The following USP36 variants were observed in gnomAD, a reference collection of about 807,000 sequenced individuals.
USP36 encodes the protein ubiquitin carboxyl-terminal hydrolase 36.
USP36 carries 59 observed loss-of-function variants against 111.5 expected under a neutral mutation model. The ratio of observed to expected loss-of-function variants is 0.53; its 90% CI spans 0.43 to 0.66. The LOEUF (loss-of-function observed/expected upper bound fraction) is 0.66, where lower values mean the gene tolerates loss of function less well. Ranked by LOEUF, USP36 falls within the 30% of genes least tolerant of loss-of-function variation. The pLI is 0.00. For synonymous variants in USP36, 628 were observed against 581.0 expected, an observed-to-expected ratio of 1.08 and a Z score of -1.16; for missense variants, 1,488 against 1,468.0, an observed-to-expected ratio of 1.01 and a Z score of -0.22.
At chr17:78,821,882 C>T (rs1261879516) in intron 7 of USP36, 55 bp downstream of exon 7, 2 of 1,603,150 alleles carry the variant, frequency 1.2e-6, no homozygotes, top group African/African-American at 2.7e-5. Context: ...TTAGGGTTTC[C>T]TGGGTTCATG....
chr17:78,840,040 G>A (rs1218024952), intron 1 of USP36, among the ~76,000 whole-genome samples: 1 of 152,352 alleles, frequency 6.6e-6, no homozygotes, highest in East Asian at 1.9e-4. Flanking sequence ...GCGGCCTCCC[G>A]GGGCCCAGCG....
chr17:78,805,957 C>T (rs564592233), intron 15 of USP36, among the ~76,000 whole-genome samples, 199 bp downstream of exon 15: 1 of 152,334 alleles, frequency 6.6e-6, no homozygotes, highest in African/African-American at 2.4e-5. Flanking sequence ...GAACTGCCTT[C>T]ACCACCCAAA....
intron 4 of USP36, among the ~76,000 whole-genome samples, chr17:78,830,549 G>A (rs901265982): frequency 1.3e-5 from 2 of 152,210 alleles, no homozygotes; most frequent in African/African-American, 4.8e-5. Flanking sequence ...CAAAGGGCAA[G>A]CACGCCTTCA....
rs778272808 is a variant in USP36 at position 78,813,865 on chromosome 17, A to G, written c.1173T>C (p.Asn391=). The change falls in exon 12 of 21, where the codon AAT becomes AAC. Residue 391 remains asparagine, a synonymous_variant. Coordinates refer to ENST00000449938, the MANE Select transcript of USP36 (RefSeq NM_001385174.1). ...AATCATTCATCTGGTACCACTGTCCATTGCTTGCCTGAAGCAGCCAAGGAT... is the reference window on the plus strand; with the variant it reads ...AATCATTCATCTGGTACCACTGTCCGTTGCTTGCCTGAAGCAGCCAAGGAT... ...GHYYCYVKAS[N]GQWYQMNDSL... is the part of the protein sequence containing the mutation. The G allele has an allele frequency of 4.9e-5, 79 of 1,614,120 alleles. No homozygotes were observed. The East Asian group carries it at 1.7e-3, about 35-fold the overall frequency.
chr17:78,836,819 A>AC (rs1555643194), intron 2 of USP36, among the ~76,000 whole-genome samples: 2 of 143,120 alleles, frequency 1.4e-5, no homozygotes, highest in Admixed American at 1.3e-4. Context: ...ACACACACAC[A>AC]AACGGACACA....
At chr17:78,806,000 G>GAACACAGAACA (rs1320542591) in intron 15 of USP36, among the ~76,000 whole-genome samples, 156 bp downstream of exon 15, 1 of 152,206 alleles carries the variant, frequency 6.6e-6, no homozygotes, top group Non-Finnish European at 1.5e-5. Flanking sequence ...CAGAAGAGGG[G>GAACACAGAACA]GATCTTGGTC....
chr17:78,805,691 C>T (rs533598016), intron 15 of USP36, among the ~76,000 whole-genome samples: 1 of 152,348 alleles, frequency 6.6e-6, no homozygotes, highest in East Asian at 1.9e-4. Flanking sequence ...TGCAGAGGAA[C>T]CCGAGAGCCC....
In USP36 at chr17:78,826,093, C is replaced by T. The variant is rs539037667; in HGVS notation, c.689+1152G>A. Among the ~76,000 whole-genome samples, 11 of 152,302 alleles carry T rather than the reference C, an allele frequency of 7.2e-5. No homozygotes were observed. In the East Asian group the frequency reaches 1.2e-3, roughly 16 times the overall value. On this transcript the variant is annotated intron_variant, in intron 6 of 20. Coordinates refer to ENST00000449938, the MANE Select transcript of USP36 (RefSeq NM_001385174.1). The stretch of plus-strand genomic sequence containing the variant: ...TTCAATTACCCAGTTCACTGAAGGG[C>T]AGACCTGGGATCATACAGGGAGCAA...
downstream of USP36, among the ~76,000 whole-genome samples, chr17:78,793,784 T>C (rs2093602171): frequency 6.6e-6 from 1 of 152,158 alleles, no homozygotes; most frequent in African/African-American, 2.4e-5. Context: ...AACAGTATGT[T>C]AGGGATAAAC....
chr17:78,806,823 C>T, intron 14 of USP36, 136 bp downstream of exon 14: 1 of 1,275,664 alleles, frequency 7.8e-7, no homozygotes, highest in South Asian at 1.5e-5. Context: ...CTGGGAACGA[C>T]TAAAAGACAC....
At chr17:78,837,709 T>C (rs2068815107) in intron 2 of USP36, among the ~76,000 whole-genome samples, 2 of 152,104 alleles carry the variant, frequency 1.3e-5, no homozygotes, top group South Asian at 4.2e-4. Flanking sequence ...CAAAAATATG[T>C]CCCTTAAATT....
intron 4 of USP36, among the ~76,000 whole-genome samples, chr17:78,829,811 G>A (rs553746545): frequency 1.3e-5 from 2 of 152,284 alleles, no homozygotes; most frequent in African/African-American, 4.8e-5. Context: ...CACAATCTTG[G>A]CTCACTGCAA....
intron 6 of USP36, among the ~76,000 whole-genome samples, chr17:78,823,496 C>A (rs2094380066): frequency 6.6e-6 from 1 of 152,232 alleles, no homozygotes; most frequent in Non-Finnish European, 1.5e-5. Flanking sequence ...CGAGCTCCCA[C>A]AGGCATCCCA....
exon 4 of USP36, chr17:78,787,648 C>T (rs868363706): frequency 6.6e-6 from 1 of 152,176 alleles, no homozygotes; most frequent in African/African-American, 2.4e-5. Context: ...GAATCAGCAC[C>T]GCTTGATCAT....
chr17:78,811,539 T>C (rs1304195174), intron 13 of USP36, among the ~76,000 whole-genome samples: 1 of 152,060 alleles, frequency 6.6e-6, no homozygotes, highest in Non-Finnish European at 1.5e-5. Flanking sequence ...AATCAGGAAA[T>C]TAACATTGGT....
chr17:78,821,875 G>C (rs1415294293), intron 7 of USP36, 62 bp downstream of exon 7: 1 of 1,593,092 alleles, frequency 6.3e-7, no homozygotes, highest in Admixed American at 1.7e-5. Flanking sequence ...CCAACTCTTA[G>C]GGTTTCCTGG....
chr17:78,790,967 A>G (rs2093578386), downstream of USP36, among the ~76,000 whole-genome samples: 1 of 152,074 alleles, frequency 6.6e-6, no homozygotes, highest in Non-Finnish European at 1.5e-5. Flanking sequence ...AAGGGAGAAA[A>G]CCAATGAAAA....
chr17:78,798,564 T>A lies in USP36; in HGVS notation c.3241-13A>T. ...TAATTTTCTTTTCCTAGACCAAGAA[T>A]CACAGGCATCACAGTTCCCAAAAAC... On this transcript the variant is annotated splice_polypyrimidine_tract_variant and intron_variant, in intron 19 of 20. Coordinates refer to ENST00000449938, the MANE Select transcript of USP36 (RefSeq NM_001385174.1). The surrounding 1 kb of genome is among the most constrained non-coding windows in gnomAD (Gnocchi z 5.1). 1 of 1,611,372 alleles carries A rather than the reference T, an allele frequency of 6.2e-7. No individual in the cohort carries two copies. The highest frequency in any genetic ancestry group is 1.3e-5 in the African/African-American group (1 of 74,950).
In USP36 at chr17:78,798,832, C is replaced by T; in HGVS notation, c.3240+76G>A. 1 of 1,558,010 alleles carries T rather than the reference C, an allele frequency of 6.4e-7. No homozygotes were observed. Among genetic ancestry groups the T allele is most frequent in the Non-Finnish European group, 8.8e-7 (1 of 1,135,140 alleles). On this transcript the variant is annotated intron_variant, in intron 19 of 20. Transcript: ENST00000449938. The surrounding 1 kb of genome is among the most constrained non-coding windows in gnomAD (Gnocchi z 5.1). ...GGCCGCTTCATGCCACTGCCGCCAC[C>T]TCCAACTGCCCCGGCTCTGAGCTGA...
Sources: allele counts gnomAD v4.1 joint callset (sites outside exome capture counted in the v4.1 genomes callset), GRCh38; gene constraint gnomAD v4.1.1; non-coding constraint Gnocchi (gnomAD v3.1); transcripts MANE v1.5; gene names NCBI Gene and HGNC (gene_info 2026-07-23, HGNC 2026-07-21).